Variants in LRRC37A2 observed in about 807,000 individuals in gnomAD.
LRRC37A2 encodes the protein leucine-rich repeat-containing protein 37A2.
Under a neutral mutation model 68.8 loss-of-function variants are expected in LRRC37A2, and 9 were observed. The observed-to-expected ratio is 0.13, with a 90% CI of 0.08 to 0.23. LRRC37A2 has a LOEUF of 0.23. LRRC37A2 is among the 10% of genes least tolerant of loss of function. LRRC37A2 has a pLI of 1.00. For synonymous variants in LRRC37A2, 63 were observed against 367.6 expected (o/e 0.17, Z 9.48); for missense variants, 168 against 950.4 (o/e 0.18, Z 10.82).
the LRRC37A2 span, among the ~76,000 whole-genome samples, chr17:46,797,889 T>C: frequency 1.3e-5 from 2 of 152,130 alleles, no homozygotes; most frequent in African/African-American, 2.4e-5. Flanking sequence ...ATAGGCAAAA[T>C]AAAACATTTC....
chr17:46,837,667 A>T, the LRRC37A2 span, among the ~76,000 whole-genome samples: 1 of 152,222 alleles, frequency 6.6e-6, no homozygotes, highest in Non-Finnish European at 1.5e-5. Context: ...CTGGGAACAC[A>T]GGAAGGTGGT....
At chr17:46,799,607 C>G in the LRRC37A2 span, among the ~76,000 whole-genome samples, 1 of 152,114 alleles carries the variant, frequency 6.6e-6, no homozygotes, top group Non-Finnish European at 1.5e-5. Flanking sequence ...GCCACCATGC[C>G]TGGCTACTTT....
chr17:46,780,922 A>G, the LRRC37A2 span, among the ~76,000 whole-genome samples: 1 of 152,132 alleles, frequency 6.6e-6, no homozygotes, highest in Non-Finnish European at 1.5e-5. Flanking sequence ...CCATACATAC[A>G]GTGGGACCCT....
At chr17:46,818,259 A>C in the LRRC37A2 span, among the ~76,000 whole-genome samples, 98 of 152,122 alleles carry the variant, frequency 6.4e-4, 1 homozygote, top group African/African-American at 2.3e-3. Flanking sequence ...ATCTAAGAAT[A>C]AGAAACCTTC....
chr17:46,712,837 A>G, the LRRC37A2 span, among the ~76,000 whole-genome samples: 20,325 of 152,172 alleles, frequency 0.13, 1,852 homozygotes, highest in Non-Finnish European at 0.2. Context: ...GAAAGAGAGA[A>G]TGTGTGTTAC....
chr17:46,961,667 T>A, the LRRC37A2 span, among the ~76,000 whole-genome samples: 2 of 152,128 alleles, frequency 1.3e-5, no homozygotes, highest in African/African-American at 2.4e-5. Flanking sequence ...TTATATTTTT[T>A]AAAAAAGGTC....
the LRRC37A2 span, among the ~76,000 whole-genome samples, chr17:46,788,837 A>G: frequency 2.0e-5 from 3 of 152,088 alleles, no homozygotes; most frequent in Non-Finnish European, 4.4e-5. Flanking sequence ...CAGATCCCAC[A>G]GGCTGTCTCC....
chr17:46,804,537 C>T, the LRRC37A2 span, among the ~76,000 whole-genome samples: 1 of 152,142 alleles, frequency 6.6e-6, no homozygotes, highest in African/African-American at 2.4e-5. Flanking sequence ...TGATGGCAGG[C>T]CCCCTCTTTC....
the LRRC37A2 span, among the ~76,000 whole-genome samples, chr17:46,787,316 C>A: frequency 2.0e-5 from 3 of 151,980 alleles, no homozygotes; most frequent in Admixed American, 6.6e-5. Flanking sequence ...GGCGGGGGAA[C>A]AATAGGAGTG....
chr17:46,797,851 G>A, the LRRC37A2 span, among the ~76,000 whole-genome samples: 1 of 152,240 alleles, frequency 6.6e-6, no homozygotes, highest in Non-Finnish European at 1.5e-5. Flanking sequence ...GCCACATGCA[G>A]TATAACACCA....
At chr17:46,679,133 C>T in the LRRC37A2 span, among the ~76,000 whole-genome samples, 1 of 151,884 alleles carries the variant, frequency 6.6e-6, no homozygotes, top group Non-Finnish European at 1.5e-5. Context: ...TGAATTATTA[C>T]CATAAAAATC....
the LRRC37A2 span, among the ~76,000 whole-genome samples, chr17:46,793,273 A>T: frequency 2.3e-3 from 13 of 5,734 alleles, no homozygotes; most frequent in African/African-American, 3.5e-3. Flanking sequence ...GACCCTGTCT[A>T]AAAAAAAAAA....
the LRRC37A2 span, among the ~76,000 whole-genome samples, chr17:47,033,954 G>A: frequency 9.9e-5 from 15 of 152,210 alleles, no homozygotes; most frequent in Non-Finnish European, 1.9e-4. Context: ...CCAAAAAGGC[G>A]ATGGACTGGG....
the LRRC37A2 span, chr17:46,721,795 A>T: frequency 1.2e-6 from 2 of 1,602,296 alleles, no homozygotes; most frequent in Non-Finnish European, 1.7e-6. Context: ...CATCGTGCAC[A>T]GCTGTCAGAG....
At chr17:46,392,443 T>C in the LRRC37A2 span, among the ~76,000 whole-genome samples, 9 of 62,752 alleles carry the variant, frequency 1.4e-4, 1 homozygote, top group East Asian at 1.2e-3. Flanking sequence ...CTTTCTTTCT[T>C]TCTTTCTTTC....
chr17:46,685,411 G>A, the LRRC37A2 span, among the ~76,000 whole-genome samples: 1 of 151,700 alleles, frequency 6.6e-6, no homozygotes, highest in Non-Finnish European at 1.5e-5. Context: ...GGATATATAT[G>A]TGTGTTACAT....
the LRRC37A2 span, among the ~76,000 whole-genome samples, chr17:46,728,616 A>G: frequency 6.6e-6 from 1 of 152,092 alleles, no homozygotes; most frequent in East Asian, 1.9e-4. Context: ...AGTTACAGAT[A>G]AGAGTTCTTA....
At chr17:46,501,457 G>T in the LRRC37A2 span, among the ~76,000 whole-genome samples, 1 of 151,212 alleles carries the variant, frequency 6.6e-6, no homozygotes, top group Non-Finnish European at 1.5e-5. Context: ...CTACAGGTGT[G>T]GGCCACCACG....
chr17:46,892,464 C>A, the LRRC37A2 span, among the ~76,000 whole-genome samples: 1 of 152,204 alleles, frequency 6.6e-6, no homozygotes, highest in African/African-American at 2.4e-5. Context: ...CTTTGTCCAT[C>A]CAACTCACTC....
Sources: allele counts gnomAD v4.1 joint callset (sites outside exome capture counted in the v4.1 genomes callset), GRCh38; gene constraint gnomAD v4.1.1; transcripts MANE v1.5; gene names NCBI Gene and HGNC (gene_info 2026-07-23, HGNC 2026-07-21).